The following RIMS2 variants were observed in gnomAD, a reference collection of about 807,000 sequenced individuals.
RIMS2 encodes the protein regulating synaptic membrane exocytosis 2, also known as regulating synaptic membrane exocytosis protein 2.
RIMS2 carries 59 observed loss-of-function variants against 174.4 expected under a neutral mutation model. The observed-to-expected ratio is 0.34, with a 90% CI of 0.27 to 0.42. RIMS2 has a LOEUF of 0.42. Ranked by LOEUF, RIMS2 falls within the 10% of genes least tolerant of loss-of-function variation. The pLI is 1.00. For synonymous variants in RIMS2, 606 were observed against 572.5 expected (o/e 1.06, Z -0.84); for missense variants, 1,620 against 1,666.3 (o/e 0.97, Z 0.48).
chr8:103,543,670 A>G (rs1441472987), intron 1 of RIMS2, among the ~76,000 whole-genome samples: 1 of 152,234 alleles, frequency 6.6e-6, no homozygotes, highest in Non-Finnish European at 1.5e-5. Context: ...GGAACAGAAT[A>G]GAGAGTCCAG....
At chr8:103,889,610 G>A (rs2099229801) in intron 4 of RIMS2, among the ~76,000 whole-genome samples, 1 of 151,378 alleles carries the variant, frequency 6.6e-6, no homozygotes, top group Admixed American at 6.6e-5. Flanking sequence ...CTTGGAAATT[G>A]GTAGCGAGTT....
At chr8:103,975,625 CAT>C in intron 16 of RIMS2, 119 bp downstream of exon 18, 3 of 661,606 alleles carry the variant, frequency 4.5e-6, no homozygotes, top group Non-Finnish European at 2.5e-6. Flanking sequence ...AGAATTGGCT[CAT>C]ATGATTATAA....
intron 2 of RIMS2, among the ~76,000 whole-genome samples, chr8:103,732,941 T>C (rs1167233570): frequency 1.3e-5 from 2 of 152,162 alleles, no homozygotes; most frequent in South Asian, 4.1e-4. Context: ...GTCACTGAGC[T>C]GGTACACCTG....
At chr8:104,217,660 G>T (rs1412783064) in intron 19 of RIMS2, among the ~76,000 whole-genome samples, 1 of 152,126 alleles carries the variant, frequency 6.6e-6, no homozygotes, top group Non-Finnish European at 1.5e-5. Context: ...CTTGAAACCT[G>T]CTGAGTAAAA....
At chr8:104,107,416 A>G (rs2131502486) in intron 19 of RIMS2, among the ~76,000 whole-genome samples, 1 of 152,278 alleles carries the variant, frequency 6.6e-6, no homozygotes, top group East Asian at 1.9e-4. Context: ...TGATTAGTTG[A>G]GTATAGTATA....
At position 103,995,930 on chromosome 8, in the gene RIMS2, T is replaced by C. The variant is rs552018621; in HGVS notation, c.3044+6509T>C. ...AAGCAAGGCTTGTAAATCCATTGAA[T>C]GTGAAAAATGAGGAAATGGAGGAGT... On this transcript the variant is annotated intron_variant, in intron 17 of 23. Coordinates refer to ENST00000504942, the Ensembl canonical transcript of RIMS2. Among the ~76,000 whole-genome samples, 8 of 152,010 alleles carry C rather than the reference T, an allele frequency of 5.3e-5. No individual in the cohort carries two copies. In the South Asian group the frequency reaches 1.7e-3, roughly 31 times the overall value.
intron 19 of RIMS2, among the ~76,000 whole-genome samples, chr8:104,085,284 C>A (rs1351994347): frequency 1.3e-5 from 2 of 152,158 alleles, no homozygotes. Flanking sequence ...TCACAGAATG[C>A]CTGCTGTAGC....
chr8:104,011,125 G>C (rs377757643), intron 17 of RIMS2, among the ~76,000 whole-genome samples: 1 of 152,074 alleles, frequency 6.6e-6, no homozygotes, highest in Non-Finnish European at 1.5e-5. Context: ...AGGCATTGCT[G>C]CTTTAAATTT....
chr8:104,076,574 G>A (rs1215978581), intron 19 of RIMS2, among the ~76,000 whole-genome samples: 5 of 152,104 alleles, frequency 3.3e-5, no homozygotes, highest in Admixed American at 2.6e-4. Context: ...CTTGTTTACA[G>A]TAATAGAGAT....
At chr8:104,002,877 A>C (rs190866529) in intron 17 of RIMS2, among the ~76,000 whole-genome samples, 1 of 152,270 alleles carries the variant, frequency 6.6e-6, no homozygotes, top group East Asian at 1.9e-4. Flanking sequence ...TTCAAGAGAC[A>C]ATATTAACTA....
At chr8:103,572,309 G>C (rs1429223186) in intron 1 of RIMS2, among the ~76,000 whole-genome samples, 1 of 152,236 alleles carries the variant, frequency 6.6e-6, no homozygotes, top group South Asian at 2.1e-4. Context: ...CTGCTGGCTC[G>C]GGTGGCCAGT....
At chr8:103,876,846 A>G (rs1331881072) in intron 3 of RIMS2, among the ~76,000 whole-genome samples, 2 of 129,334 alleles carry the variant, frequency 1.5e-5, no homozygotes, top group East Asian at 4.7e-4. Context: ...ATGTGTATAT[A>G]TACACACACA....
chr8:103,849,417 G>C (rs1024325854), intron 3 of RIMS2, among the ~76,000 whole-genome samples: 1 of 152,096 alleles, frequency 6.6e-6, no homozygotes, highest in Admixed American at 6.6e-5. Context: ...AAGCAAGATA[G>C]GAATGAGAAA....
intron 19 of RIMS2, among the ~76,000 whole-genome samples, chr8:104,217,070 G>T (rs1563810539): frequency 6.6e-6 from 1 of 151,938 alleles, no homozygotes; most frequent in Non-Finnish European, 1.5e-5. Flanking sequence ...TAACTACTCT[G>T]CTTTTATAAC....
intron 4 of RIMS2, among the ~76,000 whole-genome samples, chr8:103,905,295 T>A (rs1348920410): frequency 6.6e-6 from 1 of 152,112 alleles, no homozygotes; most frequent in Non-Finnish European, 1.5e-5. Context: ...TGACAGATTG[T>A]CTTTGTTTTC....
intron 3 of RIMS2, among the ~76,000 whole-genome samples, chr8:103,841,418 C>A (rs577695949): frequency 1.3e-5 from 2 of 151,842 alleles, no homozygotes; most frequent in African/African-American, 4.8e-5. Flanking sequence ...ATTGAAAAAT[C>A]TAGACTTGAT....
chr8:103,794,112 C>T (rs879337696), intron 3 of RIMS2, among the ~76,000 whole-genome samples: 2 of 151,942 alleles, frequency 1.3e-5, no homozygotes, highest in Non-Finnish European at 2.9e-5. Flanking sequence ...CAAAAAAGAG[C>T]CCACATTGCC....
intron 2 of RIMS2, among the ~76,000 whole-genome samples, chr8:103,754,207 A>T (rs1399317881): frequency 6.6e-6 from 1 of 152,158 alleles, no homozygotes; most frequent in Non-Finnish European, 1.5e-5. Context: ...ATTCAGGAGC[A>T]GGTTGTTCAG....
intron 1 of RIMS2, among the ~76,000 whole-genome samples, chr8:103,536,280 A>T (rs189691030): frequency 1.3e-5 from 2 of 152,320 alleles, no homozygotes; most frequent in East Asian, 1.9e-4. Context: ...TTAAAAATTT[A>T]AAGTTTATTT....
Sources: allele counts gnomAD v4.1 joint callset (sites outside exome capture counted in the v4.1 genomes callset), GRCh38; gene constraint gnomAD v4.1.1; transcripts MANE v1.5; gene names NCBI Gene and HGNC (gene_info 2026-07-23, HGNC 2026-07-21).